Variants in RPAP2 observed in about 807,000 individuals in gnomAD.
The protein encoded by RPAP2 is RNA polymerase II associated protein 2.
In RPAP2, 52 loss-of-function variants were observed where a neutral mutation model predicts 73.1. The observed-to-expected ratio is 0.71, with a 90% CI of 0.57 to 0.90. RPAP2 has a LOEUF of 0.90. Among genes scored for constraint, RPAP2 ranks in the 40% least tolerant of loss-of-function variants. The pLI, the probability that RPAP2 is intolerant of heterozygous loss-of-function variation, is 0.00. For missense variants in RPAP2, 598 were observed against 701.8 expected, an observed-to-expected ratio of 0.85 and a Z score of 1.67; for synonymous variants, 225 against 242.1, an observed-to-expected ratio of 0.93 and a Z score of 0.65.
intron 11 of RPAP2, among the ~76,000 whole-genome samples, chr1:92,375,556 C>T (rs1449002550): frequency 1.3e-5 from 2 of 151,954 alleles, no homozygotes; most frequent in Non-Finnish European, 2.9e-5. Context: ...ATTGGACAGG[C>T]GCAGTGGCTC....
rs1255762960 is a variant in RPAP2 at position 92,391,522 on chromosome 1, T to TA, written c.*4513dup. 1 of 151,802 alleles carries TA rather than the reference T, an allele frequency of 6.6e-6. No individual in the cohort carries two copies. Among genetic ancestry groups the TA allele is most frequent in the Non-Finnish European group, 1.5e-5 (1 of 67,954 alleles). 9.4% of individuals were successfully genotyped at this position (151,802 alleles called of 1,614,324 possible). On this transcript the variant is annotated 3_prime_UTR_variant, in exon 13 of 13. Transcript: ENST00000610020. ...TCAAAAGCTAGCAGAAGGCAAGAAA[T>TA]AACTAAGATCAGAGCAGAACTGAAG...
rs770422274 is a variant in RPAP2 at position 92,345,963 on chromosome 1, T to C, written c.1688+49T>C. The stretch of plus-strand genomic sequence containing the variant: ...CTCTAAATACTAAATGTGAAGCATA[T>C]TGATTAGGGAAAAACAAAGTGATCC... On this transcript the variant is annotated intron_variant, in intron 11 of 12. Coordinates refer to ENST00000610020, the MANE Select transcript of RPAP2 (RefSeq NM_024813.3). 2.3e-6 allele frequency: 3 copies of C among 1,292,662 alleles called. No individual in the cohort carries two copies. In the South Asian group the frequency reaches 3.8e-5, roughly 16 times the overall value. The allele number at this position is 1,292,662 out of a possible 1,614,324, so 80.1% of individuals were successfully genotyped here. A position where few individuals can be genotyped will look rare whatever the true frequency, so the allele number is the denominator to read the frequency against.
intron 11 of RPAP2, among the ~76,000 whole-genome samples, chr1:92,359,583 G>T (rs1654639518): frequency 6.6e-6 from 1 of 152,250 alleles, no homozygotes; most frequent in Admixed American, 6.5e-5. Context: ...GCCTCCCAAA[G>T]TGCTGGGATT....
intron 11 of RPAP2, among the ~76,000 whole-genome samples, chr1:92,374,420 C>A (rs1041983815): frequency 6.6e-6 from 1 of 152,162 alleles, no homozygotes; most frequent in Non-Finnish European, 1.5e-5. Context: ...TTGCTAGGTG[C>A]TTTGTGGTTT....
At chr1:92,341,928 C>T (rs1167191478) in intron 10 of RPAP2, among the ~76,000 whole-genome samples, 1 of 152,228 alleles carries the variant, frequency 6.6e-6, no homozygotes, top group East Asian at 1.9e-4. Context: ...CAGGCGTGAG[C>T]CAACACACCT....
intron 7 of RPAP2, among the ~76,000 whole-genome samples, 196 bp downstream of exon 7, chr1:92,320,830 A>G (rs907773159): frequency 6.6e-6 from 1 of 152,206 alleles, no homozygotes; most frequent in African/African-American, 2.4e-5. Flanking sequence ...TTTGATCTGT[A>G]TGATTTATTG....
Position 92,299,067 on chromosome 1 carries a change from C to A in RPAP2, c.-7C>A. 2 of 1,491,138 alleles carry A rather than the reference C, an allele frequency of 1.3e-6. No homozygotes were observed. Among genetic ancestry groups the A allele is most frequent in the East Asian group, 2.6e-5 (1 of 37,942 alleles). The allele number at this position is 1,491,138 out of a possible 1,614,324, so 92.4% of individuals were successfully genotyped here. ...GCGTGTCCCCGTCCGGCAGACTACTCTCCCCCATGGCGGACTTCGCTGGGC... is the reference window on the plus strand; with the variant it reads ...GCGTGTCCCCGTCCGGCAGACTACTATCCCCCATGGCGGACTTCGCTGGGC... On this transcript the variant is annotated 5_prime_UTR_variant, in exon 1 of 13. Transcript: ENST00000610020.
At position 92,387,093 on chromosome 1, in the gene RPAP2, AC is replaced by A; in HGVS notation, c.*83del. ...TAGCCGCCATGATGGTCTGGTGGTG[AC>A]TGATAACTAGTTTTATTCCAAGACA... On this transcript the variant is annotated 3_prime_UTR_variant, in exon 13 of 13. Transcript: ENST00000610020. 7.3e-7 allele frequency: 1 copy of A among 1,368,018 alleles called. No individual in the cohort carries two copies. The highest frequency in any genetic ancestry group is 1.0e-6 in the Non-Finnish European group (1 of 993,686). The allele number at this position is 1,368,018 out of a possible 1,614,324, so 84.7% of individuals were successfully genotyped here. A position where few individuals can be genotyped will look rare whatever the true frequency, so the allele number is the denominator to read the frequency against.
intron 11 of RPAP2, among the ~76,000 whole-genome samples, chr1:92,380,458 A>T (rs1379398175): frequency 6.6e-6 from 1 of 152,144 alleles, no homozygotes; most frequent in Non-Finnish European, 1.5e-5. Context: ...TCTGAGCAGA[A>T]TTTTAGTAGT....
rs1042467101 is a variant in RPAP2 at position 92,399,726 on chromosome 1, A to G, written c.*12715A>G. ...GATCTGTCACCTTGCTCACTCCCACATCCTTACCTCTTATCCTTCTCACAT... is the reference window on the plus strand; with the variant it reads ...GATCTGTCACCTTGCTCACTCCCACGTCCTTACCTCTTATCCTTCTCACAT... On this transcript the variant is annotated 3_prime_UTR_variant, in exon 13 of 13. Transcript: ENST00000610020. 6.6e-6 allele frequency: 1 copy of G among 152,160 alleles called. No homozygotes were observed. Among genetic ancestry groups the G allele is most frequent in the Non-Finnish European group, 1.5e-5 (1 of 68,038 alleles). The allele number at this position is 152,160 out of a possible 1,614,324, so 9.4% of individuals were successfully genotyped here. A position where few individuals can be genotyped will look rare whatever the true frequency, so the allele number is the denominator to read the frequency against.
chr1:92,338,919 A>AT (rs911412430), intron 10 of RPAP2, among the ~76,000 whole-genome samples: 9 of 152,022 alleles, frequency 5.9e-5, no homozygotes, highest in Admixed American at 5.9e-4. Context: ...CATTTCATTG[A>AT]TTTTCAAAGG....
intron 2 of RPAP2, among the ~76,000 whole-genome samples, chr1:92,300,817 A>G (rs1048314896): frequency 6.6e-6 from 1 of 152,264 alleles, no homozygotes; most frequent in African/African-American, 2.4e-5. Context: ...AGTATAAGAT[A>G]TGTCGGACCT....
At chr1:92,303,415 T>C (rs958499450) in intron 3 of RPAP2, among the ~76,000 whole-genome samples, 14 of 152,192 alleles carry the variant, frequency 9.2e-5, no homozygotes, top group African/African-American at 3.4e-4. Flanking sequence ...TATTTGATCA[T>C]GAAGATGTCA....
chr1:92,356,955 A>G (rs1423979457), intron 11 of RPAP2, among the ~76,000 whole-genome samples: 1 of 151,908 alleles, frequency 6.6e-6, no homozygotes, highest in Admixed American at 6.6e-5. Context: ...AATCTCAGCT[A>G]CTCAGGATGC....
At position 92,395,964 on chromosome 1, in the gene RPAP2, T is replaced by TG. The variant is rs1313613426; in HGVS notation, c.*8954dup. 1 of 152,162 alleles carries TG rather than the reference T, an allele frequency of 6.6e-6. No homozygotes were observed. The highest frequency in any genetic ancestry group is 1.5e-5 in the Non-Finnish European group (1 of 68,036). 9.4% of individuals were successfully genotyped at this position (152,162 alleles called of 1,614,324 possible). A position where few individuals can be genotyped will look rare whatever the true frequency, so the allele number is the denominator to read the frequency against. On this transcript the variant is annotated 3_prime_UTR_variant, in exon 13 of 13. Transcript: ENST00000610020. ...AGACAAAGATATGTGTTGGTGATGA[T>TG]GTGGAGAAACTGGAGCCCTAATGCA... is the stretch of plus-strand genomic sequence containing the variant.
chr1:92,366,352 G>T (rs984026964), intron 11 of RPAP2, among the ~76,000 whole-genome samples: 1 of 152,130 alleles, frequency 6.6e-6, no homozygotes, highest in African/African-American at 2.4e-5. Flanking sequence ...CTTGGCATTT[G>T]TTTCCTTATC....
intron 7 of RPAP2, among the ~76,000 whole-genome samples, chr1:92,322,616 T>A (rs1288991757): frequency 6.7e-6 from 1 of 150,344 alleles, no homozygotes; most frequent in Non-Finnish European, 1.5e-5. Context: ...GGCTCACCCC[T>A]GTAATTCCAG....
chr1:92,331,001 T>TGGTTTG (rs911492197), intron 8 of RPAP2, among the ~76,000 whole-genome samples: 4 of 152,082 alleles, frequency 2.6e-5, no homozygotes, highest in African/African-American at 9.7e-5. Flanking sequence ...TGGGGTGTGG[T>TGGTTTG]GGTTTGGGTT....
rs372498881 is a variant in RPAP2, at chr1:92,387,021, T to C, written c.*10T>C. 6.3e-7 allele frequency: 1 copy of C among 1,589,408 alleles called. No homozygotes were observed. Among genetic ancestry groups the C allele is most frequent in the Middle Eastern group, 2.0e-4 (1 of 5,102 alleles). ...TTTTTTGCTTCACAGATATATTCCA[T>C]GAAGACAAAATAGAAGATGAACTTC... is the stretch of plus-strand genomic sequence containing the variant. On this transcript the variant is annotated 3_prime_UTR_variant, in exon 13 of 13. Transcript: ENST00000610020.
Sources: gnomAD v4.1 joint callset for allele counts (sites outside exome capture counted in the v4.1 genomes callset) on GRCh38, gnomAD v4.1.1 for gene constraint, MANE v1.5 for transcripts, NCBI Gene and HGNC (gene_info 2026-07-23, HGNC 2026-07-21) for gene names.